Variants in GNA12 observed in about 807,000 individuals in gnomAD.
The protein encoded by GNA12 is guanine nucleotide-binding protein subunit alpha-12.
Under a neutral mutation model 26.0 loss-of-function variants are expected in GNA12, and 9 were observed. The ratio of observed to expected loss-of-function variants is 0.35; its 90% confidence interval spans 0.21 to 0.60. GNA12 has a LOEUF of 0.60. GNA12 is among the 20% of genes least tolerant of loss of function. The pLI is 0.78. For missense variants in GNA12, 405 were observed against 525.8 expected (o/e 0.77, Z 2.25); for synonymous variants, 264 against 219.6 (o/e 1.20, Z -1.79).
At chr7:2,810,013 T>C (rs184645203) in intron 1 of GNA12, among the ~76,000 whole-genome samples, 1 of 152,270 alleles carries the variant, frequency 6.6e-6, no homozygotes, top group African/African-American at 2.4e-5. Context: ...AATCACCTTC[T>C]TAGAGGGAAA....
intron 1 of GNA12, among the ~76,000 whole-genome samples, chr7:2,806,568 A>G (rs1792955783): frequency 6.6e-6 from 1 of 152,118 alleles, no homozygotes; most frequent in African/African-American, 2.4e-5. Flanking sequence ...AGAAATACAT[A>G]AAGAAGAAAA....
chr7:2,843,427 T>C (rs1779062976), intron 1 of GNA12, among the ~76,000 whole-genome samples: 1 of 150,714 alleles, frequency 6.6e-6, no homozygotes, highest in East Asian at 2.0e-4. Context: ...GGAGGATCAC[T>C]TGAGGCCAGG....
chr7:2,784,412 C>G (rs1009139882), intron 2 of GNA12, among the ~76,000 whole-genome samples: 1 of 152,312 alleles, frequency 6.6e-6, no homozygotes, highest in Admixed American at 6.5e-5. Context: ...GCCACCATGC[C>G]CAGCCAAGCT....
intron 2 of GNA12, among the ~76,000 whole-genome samples, chr7:2,736,270 G>A (rs1790170232): frequency 6.6e-6 from 1 of 152,198 alleles, no homozygotes; most frequent in African/African-American, 2.4e-5. Context: ...GGCTGCTGCG[G>A]TCACACGATC....
intron 1 of GNA12, among the ~76,000 whole-genome samples, chr7:2,842,007 G>GGGAGGGAGGAAGGAAGAAAA (rs1779002303): frequency 6.7e-6 from 1 of 150,064 alleles, no homozygotes; most frequent in South Asian, 2.1e-4. Flanking sequence ...GAGGTAGGGA[G>GGGAGGGAGGAAGGAAGAAAA]GGAGGGAGAA....
chr7:2,737,558 G>C (rs990789286), intron 2 of GNA12, among the ~76,000 whole-genome samples: 1 of 152,028 alleles, frequency 6.6e-6, no homozygotes, highest in African/African-American at 2.4e-5. Context: ...CAGAGTGCTG[G>C]GATTACAGGC....
chr7:2,808,641 C>G (rs537671425), intron 1 of GNA12, among the ~76,000 whole-genome samples: 3 of 152,236 alleles, frequency 2.0e-5, no homozygotes, highest in African/African-American at 7.2e-5. Context: ...TTCTACCTTC[C>G]AGAGACAGCT....
chr7:2,796,994 G>GT (rs1031004197), intron 1 of GNA12, among the ~76,000 whole-genome samples: 24 of 152,306 alleles, frequency 1.6e-4, no homozygotes, highest in African/African-American at 5.8e-4. Context: ...ATACAGAGTG[G>GT]TCAAGGGCCC....
chr7:2,808,808 T>TAA (rs2115478265), intron 1 of GNA12, among the ~76,000 whole-genome samples: 1 of 152,332 alleles, frequency 6.6e-6, no homozygotes, highest in Non-Finnish European at 1.5e-5. Context: ...GTTAGCCTGC[T>TAA]AAGCCTAGGT....
chr7:2,824,752 A>C (rs540596187), intron 1 of GNA12, among the ~76,000 whole-genome samples: 12 of 152,372 alleles, frequency 7.9e-5, no homozygotes, highest in African/African-American at 2.9e-4. Flanking sequence ...AGGTCATTCC[A>C]GGATTTTAAC....
intron 2 of GNA12, among the ~76,000 whole-genome samples, chr7:2,752,783 T>C (rs1791100838): frequency 6.6e-6 from 1 of 152,226 alleles, no homozygotes. Context: ...GTTGCAAAGA[T>C]TGCCTAGAGA....
chr7:2,816,169 C>A (rs2527691), intron 1 of GNA12, among the ~76,000 whole-genome samples: 1 of 152,136 alleles, frequency 6.6e-6, no homozygotes, highest in African/African-American at 2.4e-5. Flanking sequence ...AGTAATGTGA[C>A]GGTGGAAAGA....
chr7:2,772,807 AG>A (rs1583268851), intron 2 of GNA12, among the ~76,000 whole-genome samples: 1 of 152,256 alleles, frequency 6.6e-6, no homozygotes, highest in East Asian at 1.9e-4. Flanking sequence ...AAGAGAAATC[AG>A]TGCATATATC....
rs182382535 is a variant in GNA12, at chr7:2,786,639, G to A, written c.525+8289C>T. On this transcript the variant is annotated intron_variant, in intron 2 of 3. Coordinates refer to ENST00000275364, the MANE Select transcript of GNA12 (RefSeq NM_007353.3). ...TGAGGTATGGGGAAAATCCTCTCAT[G>A]CACCTGGTAGGGGCTGGTGCGATTT... Among the ~76,000 whole-genome samples, 64 of 152,328 alleles carry A rather than the reference G, an allele frequency of 4.2e-4. No homozygotes were observed. The East Asian group carries it at 0.012, about 29-fold the overall frequency.
intron 2 of GNA12, among the ~76,000 whole-genome samples, chr7:2,766,426 G>T (rs1166584646): frequency 1.4e-5 from 2 of 141,750 alleles, no homozygotes; most frequent in Non-Finnish European, 3.0e-5. Flanking sequence ...TTGCTCTGTC[G>T]CCAGGCTGGA....
chr7:2,751,577 C>T (rs931762290), intron 2 of GNA12, among the ~76,000 whole-genome samples: 3 of 151,984 alleles, frequency 2.0e-5, no homozygotes, highest in African/African-American at 7.2e-5. Flanking sequence ...AAACAATTAA[C>T]AAGGCCAAAT....
chr7:2,749,568 G>C (rs208350), intron 2 of GNA12, among the ~76,000 whole-genome samples: 1 of 151,778 alleles, frequency 6.6e-6, no homozygotes, highest in East Asian at 1.9e-4. Flanking sequence ...GCTAAATGAC[G>C]AGTTAATGGG....
At chr7:2,788,967 C>T (rs116376899) in intron 2 of GNA12, among the ~76,000 whole-genome samples, 2,930 of 151,892 alleles carry the variant, frequency 0.019, 53 homozygotes, top group Middle Eastern at 0.075. Context: ...TTACAGGCGC[C>T]CCACCACCAT....
At chr7:2,803,009 A>G (rs1218429041) in intron 1 of GNA12, among the ~76,000 whole-genome samples, 1 of 152,184 alleles carries the variant, frequency 6.6e-6, no homozygotes, top group African/African-American at 2.4e-5. Context: ...CAGGCCTATT[A>G]TTTCTCTAAG....
Sources: gnomAD v4.1 joint callset for allele counts (sites outside exome capture counted in the v4.1 genomes callset) on GRCh38, gnomAD v4.1.1 for gene constraint, MANE v1.5 for transcripts, NCBI Gene and HGNC (gene_info 2026-07-23, HGNC 2026-07-21) for gene names.